GLDN: variants seen among roughly 807,000 people sequenced by gnomAD.
GLDN encodes gliomedin.
A neutral mutation model predicts 56.5 loss-of-function variants in GLDN; 47 were observed. That is an observed-to-expected ratio of 0.83 (90% CI 0.66 to 1.06). The LOEUF (loss-of-function observed/expected upper bound fraction) is 1.06. Ranked by LOEUF, GLDN falls within the 50% of genes least tolerant of loss-of-function variation. The pLI is 0.00. For missense variants in GLDN, 782 were observed against 714.3 expected, an observed-to-expected ratio of 1.09 and a Z score of -1.08; for synonymous variants, 332 against 278.8, an observed-to-expected ratio of 1.19 and a Z score of -1.90.
Position 51,394,925 on chromosome 15 carries a change from G to C in GLDN, c.632G>C (p.Gly211Ala). The C allele has an allele frequency of 6.2e-7, 1 of 1,612,296 alleles. No individual in the cohort carries two copies. ...LGLQGNEGPP[G>A]QKGEKGDKGD... ...CTGCAGGGAAATGAGGGCCCACCAGGGCAGAAGGGAGAAAAGGGTGACAAA... is the reference window on the plus strand; with the variant it reads ...CTGCAGGGAAATGAGGGCCCACCAGCGCAGAAGGGAGAAAAGGGTGACAAA... Residue 211 changes from glycine to alanine, a missense_variant, in exon 5 of 10, where the codon GGG becomes GCG. Transcript: ENST00000335449.
At chr15:51,395,771 T>G (rs2141123222) in intron 5 of GLDN, among the ~76,000 whole-genome samples, 1 of 150,532 alleles carries the variant, frequency 6.6e-6, no homozygotes, top group South Asian at 2.1e-4. Flanking sequence ...TAAAAAAAGG[T>G]TTAATTGGCT....
At chr15:51,383,371 C>G (rs368177993) in intron 2 of GLDN, 65 bp from the exon 3 acceptor site, 1 of 1,544,440 alleles carries the variant, frequency 6.5e-7, no homozygotes, top group Non-Finnish European at 8.9e-7. Context: ...ATTTGAAGGT[C>G]GGGGGTGCTC....
rs1455150054 is a variant in GLDN, at chr15:51,405,024, A to C, written c.*270A>C. On this transcript the variant is annotated 3_prime_UTR_variant, in exon 10 of 10. Coordinates refer to ENST00000335449, the MANE Select transcript of GLDN (RefSeq NM_181789.4). The stretch of plus-strand genomic sequence containing the variant: ...CCATTGGTAATCTGAATTGGCTAAG[A>C]TGATTGGGGAGATTTTCTGTACCTG... 3.3e-6 allele frequency: 1 copy of C among 304,758 alleles called. No individual in the cohort carries two copies. The highest frequency in any genetic ancestry group is 2.2e-5 in the African/African-American group (1 of 46,080). The allele number at this position is 304,758 out of a possible 1,614,324, so 18.9% of individuals were successfully genotyped here. A position where few individuals can be genotyped will look rare whatever the true frequency, so the allele number is the denominator to read the frequency against.
chr15:51,412,804 C>A (rs2038480744), downstream of GLDN, among the ~76,000 whole-genome samples: 1 of 152,050 alleles, frequency 6.6e-6, no homozygotes, highest in Admixed American at 6.6e-5. Flanking sequence ...TATTAAAATG[C>A]AGCTACATCT....
Position 51,404,869 on chromosome 15 carries a change from A to G in GLDN, c.*115A>G. ...CAGATATTTAGAAAATAACCTCAAA[A>G]GTGTTTATATGGTCAGTGAGCCCCG... On this transcript the variant is annotated 3_prime_UTR_variant, in exon 10 of 10. Coordinates refer to ENST00000335449, the MANE Select transcript of GLDN (RefSeq NM_181789.4). 1 of 679,180 alleles carries G rather than the reference A, an allele frequency of 1.5e-6. No individual in the cohort carries two copies. The highest frequency in any genetic ancestry group is 2.6e-6 in the Non-Finnish European group (1 of 382,890). The allele number at this position is 679,180 out of a possible 1,614,324, so 42.1% of individuals were successfully genotyped here. A position where few individuals can be genotyped will look rare whatever the true frequency, so the allele number is the denominator to read the frequency against.
chr15:51,378,619 G>C (rs1042307128), intron 2 of GLDN, among the ~76,000 whole-genome samples: 2 of 152,134 alleles, frequency 1.3e-5, no homozygotes, highest in Non-Finnish European at 2.9e-5. Context: ...GCAGAGAGTG[G>C]GGAACGACGT....
At chr15:51,346,733 C>T (rs2036985006) in intron 1 of GLDN, among the ~76,000 whole-genome samples, 2 of 152,064 alleles carry the variant, frequency 1.3e-5, no homozygotes, top group South Asian at 4.1e-4. Context: ...CAAACAACAA[C>T]AAAAATGAAA....
At chr15:51,403,895 G>T (rs1160995631) in intron 9 of GLDN, among the ~76,000 whole-genome samples, 1 of 152,118 alleles carries the variant, frequency 6.6e-6, no homozygotes, top group Admixed American at 6.5e-5. Context: ...CTCTTTTACA[G>T]CCCCCTTGCA....
intron 4 of GLDN, among the ~76,000 whole-genome samples, chr15:51,387,569 G>T (rs1282237259): frequency 6.6e-6 from 1 of 152,172 alleles, no homozygotes; most frequent in Non-Finnish European, 1.5e-5. Context: ...GGATGGCACT[G>T]CAGGTCCTCA....
chr15:51,354,583 T>G (rs2037138824), intron 1 of GLDN, among the ~76,000 whole-genome samples: 2 of 152,174 alleles, frequency 1.3e-5, no homozygotes, highest in Admixed American at 1.3e-4. Context: ...TCATTCCAAG[T>G]ACAGGCAATA....
At chr15:51,412,094 G>A (rs1376693333), downstream of GLDN, among the ~76,000 whole-genome samples, 2 of 152,232 alleles carry the variant, frequency 1.3e-5, no homozygotes, top group Non-Finnish European at 2.9e-5. Flanking sequence ...AATGCTTCAA[G>A]TGTGTTAACT....
chr15:51,395,549 G>A (rs191937700), intron 5 of GLDN, among the ~76,000 whole-genome samples: 26 of 152,284 alleles, frequency 1.7e-4, no homozygotes, highest in Admixed American at 3.9e-4. Flanking sequence ...GAGTCCAGTG[G>A]TGGCAGGCTG....
chr15:51,392,515 A>G (rs1176449749), intron 4 of GLDN, among the ~76,000 whole-genome samples: 1 of 152,212 alleles, frequency 6.6e-6, no homozygotes, highest in African/African-American at 2.4e-5. Context: ...ATTTTGTTAT[A>G]TATTACAATG....
In GLDN at chr15:51,394,882, G is replaced by T. The variant is rs1329815397; in HGVS notation, c.589G>T (p.Asp197Tyr). The T allele has an allele frequency of 1.2e-6, 2 of 1,613,756 alleles. No individual in the cohort carries two copies. Among genetic ancestry groups the T allele is most frequent in the Middle Eastern group, 3.3e-4 (2 of 6,058 alleles). Residue 197 changes from aspartate (D) to tyrosine (Y), a missense_variant, in exon 5 of 10, where the codon GAC (aspartate) becomes TAC (tyrosine). By Grantham distance (160) the Asp-to-Tyr change is radical. Transcript: ENST00000335449. ...TCCAGGGGAAAGGGGAGAAAAGGGA[G>T]ACCATGGTGAACTGGGCCTGCAGGG... Reference protein sequence around the residue: ...GNPGERGEKGDHGELGLQGNE... With the variant: ...GNPGERGEKGYHGELGLQGNE...
At position 51,397,585 on chromosome 15, in the gene GLDN, C is replaced by T. The variant is rs187857819; in HGVS notation, c.804C>T (p.Asn268=). The T allele has an allele frequency of 1.7e-5, 27 of 1,596,552 alleles. No individual in the cohort carries two copies. Among genetic ancestry groups the T allele is most frequent in the South Asian group, 1.2e-4 (11 of 88,488 alleles). The change falls in exon 6 of 10, where the codon AAC becomes AAT. Residue 268 remains asparagine (N), a synonymous_variant. Coordinates refer to ENST00000335449, the MANE Select transcript of GLDN (RefSeq NM_181789.4). ...AKGPRQPSMF[N]GQCPGETCAI... is the part of the protein sequence containing the mutation. ...GCCCTCGGCAGCCAAGCATGTTCAACGGCCAGTGCCCAGGTCACCACCTCT... is the reference window on the plus strand; with the variant it reads ...GCCCTCGGCAGCCAAGCATGTTCAATGGCCAGTGCCCAGGTCACCACCTCT...
chr15:51,363,736 T>C (rs1358933662), intron 1 of GLDN, among the ~76,000 whole-genome samples: 1 of 152,204 alleles, frequency 6.6e-6, no homozygotes, highest in African/African-American at 2.4e-5. Context: ...AGTCAAATCT[T>C]GAAGGATGGG....
chr15:51,355,776 G>T (rs1303975186), intron 1 of GLDN, among the ~76,000 whole-genome samples: 85 of 149,522 alleles, frequency 5.7e-4, no homozygotes, highest in African/African-American at 2.0e-3. Flanking sequence ...GCCCACCTTG[G>T]CCTCCCAAAG....
chr15:51,342,031 C>G lies in GLDN; in HGVS notation c.347C>G (p.Thr116Ser). 1 of 1,594,974 alleles carries G rather than the reference C, an allele frequency of 6.3e-7. No individual in the cohort carries two copies. Among genetic ancestry groups the G allele is most frequent in the Middle Eastern group, 1.7e-4 (1 of 6,044 alleles). Residue 116 changes from threonine to serine, a missense_variant, in exon 1 of 10, where the codon ACC becomes AGC. Physicochemically the swap from Thr to Ser is moderately conservative, Grantham distance 58 (BLOSUM62 1). Coordinates refer to ENST00000335449, the MANE Select transcript of GLDN (RefSeq NM_181789.4). The stretch of plus-strand genomic sequence containing the variant: ...AGCCATGACATGCTGATGATGATGA[C>G]CTACTCCATGGTGCCGGTAGGCGGG... ...AESHDMLMMM[T>S]YSMVPIRVMV...
chr15:51,359,434 T>C (rs900347518), intron 1 of GLDN, among the ~76,000 whole-genome samples: 4 of 152,188 alleles, frequency 2.6e-5, no homozygotes, highest in African/African-American at 9.6e-5. Flanking sequence ...GCCAGGTAAA[T>C]GATAAAATGA....
Sources: allele counts gnomAD v4.1 joint callset (sites outside exome capture counted in the v4.1 genomes callset), GRCh38; gene constraint gnomAD v4.1.1; transcripts MANE v1.5; gene names NCBI Gene and HGNC (gene_info 2026-07-23, HGNC 2026-07-21).